PHACTR1: variants seen among roughly 807,000 people sequenced by gnomAD.
The protein encoded by PHACTR1 is phosphatase and actin regulator 1.
In PHACTR1, 16 loss-of-function variants were observed where a neutral mutation model predicts 69.2. The observed-to-expected ratio is 0.23, with a 90% CI of 0.16 to 0.35. The LOEUF (loss-of-function observed/expected upper bound fraction) is 0.35, where lower values mean the gene tolerates loss of function less well. Among genes scored for constraint, PHACTR1 ranks in the 10% least tolerant of loss-of-function variants. The pLI, the probability that PHACTR1 is intolerant of heterozygous loss-of-function variation, is 1.00. For missense variants in PHACTR1, 510 were observed against 734.7 expected (o/e 0.69, Z 3.54); for synonymous variants, 312 against 284.5 (o/e 1.10, Z -0.97).
chr6:13,026,286 A>C (rs372368755), intron 4 of PHACTR1, among the ~76,000 whole-genome samples: 1 of 152,194 alleles, frequency 6.6e-6, no homozygotes, highest in African/African-American at 2.4e-5. Context: ...AGGAAAACAG[A>C]GCGCCCCTGG....
chr6:12,783,940 A>G (rs1030687035), intron 4 of PHACTR1, among the ~76,000 whole-genome samples: 3 of 152,192 alleles, frequency 2.0e-5, no homozygotes, highest in African/African-American at 7.2e-5. Flanking sequence ...TGGTAGACAC[A>G]TGCACTCACA....
At chr6:13,035,368 A>G (rs1803151993) in intron 4 of PHACTR1, among the ~76,000 whole-genome samples, 1 of 151,930 alleles carries the variant, frequency 6.6e-6, no homozygotes, top group African/African-American at 2.4e-5. Flanking sequence ...CCCCCCTCCC[A>G]TTTTTTAGGT....
intron 4 of PHACTR1, among the ~76,000 whole-genome samples, chr6:12,791,883 A>G (rs923102025): frequency 2.0e-5 from 3 of 152,220 alleles, no homozygotes; most frequent in Non-Finnish European, 4.4e-5. Flanking sequence ...TGGGGAAAGC[A>G]GACGGTAAAT....
intron 5 of PHACTR1, among the ~76,000 whole-genome samples, chr6:13,126,682 G>T (rs766114497): frequency 1.3e-5 from 2 of 152,112 alleles, no homozygotes; most frequent in African/African-American, 4.8e-5. Context: ...TTTAAATATC[G>T]CACCACCTTA....
chr6:13,227,238 A>C (rs1203577486), intron 8 of PHACTR1, among the ~76,000 whole-genome samples: 1 of 152,112 alleles, frequency 6.6e-6, no homozygotes, highest in East Asian at 1.9e-4. Flanking sequence ...CCTTGTGTCC[A>C]TCCCGCTCTT....
intron 7 of PHACTR1, among the ~76,000 whole-genome samples, chr6:13,197,008 A>G (rs1167043772): frequency 1.3e-5 from 2 of 152,116 alleles, no homozygotes; most frequent in Admixed American, 1.3e-4. Context: ...GGATAGGTGG[A>G]TTTTCAGAAG....
chr6:12,748,221 T>C (rs1309564214), intron 3 of PHACTR1, among the ~76,000 whole-genome samples: 1 of 152,084 alleles, frequency 6.6e-6, no homozygotes, highest in Non-Finnish European at 1.5e-5. Flanking sequence ...GGCAGGTATA[T>C]TTTTCCTAAA....
At chr6:13,202,464 C>G (rs1765362733) in intron 7 of PHACTR1, among the ~76,000 whole-genome samples, 1 of 149,572 alleles carries the variant, frequency 6.7e-6, no homozygotes, top group Admixed American at 6.7e-5. Flanking sequence ...ACTGCATTTG[C>G]TAGGTTTGCA....
At chr6:13,065,634 G>T (rs1808508892) in intron 5 of PHACTR1, among the ~76,000 whole-genome samples, 1 of 152,124 alleles carries the variant, frequency 6.6e-6, no homozygotes, top group African/African-American at 2.4e-5. Context: ...AACAAAAGGG[G>T]ATGTGAGCTT....
chr6:13,209,071 A>G (rs567737226), intron 8 of PHACTR1, among the ~76,000 whole-genome samples: 2 of 152,270 alleles, frequency 1.3e-5, no homozygotes, highest in African/African-American at 4.8e-5. Context: ...CAAGATTGCC[A>G]CCCCAGAGAA....
At chr6:13,233,820 A>C (rs1771591078) in intron 10 of PHACTR1, among the ~76,000 whole-genome samples, 1 of 152,192 alleles carries the variant, frequency 6.6e-6, no homozygotes, top group African/African-American at 2.4e-5. Context: ...AAGGCAGCAT[A>C]TTCAAGCCAT....
intron 4 of PHACTR1, among the ~76,000 whole-genome samples, chr6:12,831,912 GAA>G (rs1777621747): frequency 1.3e-5 from 2 of 152,054 alleles, no homozygotes; most frequent in Admixed American, 6.6e-5. Context: ...TGTGTGATCT[GAA>G]CACCCTCCTC....
chr6:12,784,317 C>T (rs1377501983), intron 4 of PHACTR1, among the ~76,000 whole-genome samples: 2 of 150,050 alleles, frequency 1.3e-5, no homozygotes, highest in Non-Finnish European at 3.0e-5. Flanking sequence ...TATATCTATA[C>T]ACACATATAC....
intron 4 of PHACTR1, among the ~76,000 whole-genome samples, chr6:12,961,896 G>A (rs1446083334): frequency 6.6e-6 from 1 of 152,092 alleles, no homozygotes; most frequent in Non-Finnish European, 1.5e-5. Context: ...GTCTGTGGGT[G>A]TCTGTGCCTT....
intron 4 of PHACTR1, among the ~76,000 whole-genome samples, chr6:12,876,512 T>C (rs919632512): frequency 1.3e-5 from 2 of 152,212 alleles, no homozygotes; most frequent in Admixed American, 1.3e-4. Context: ...TTCAGCTTAC[T>C]CCTGCCTTTG....
chr6:12,952,811 C>A (rs971665302), intron 4 of PHACTR1, among the ~76,000 whole-genome samples: 1 of 152,104 alleles, frequency 6.6e-6, no homozygotes, highest in Non-Finnish European at 1.5e-5. Flanking sequence ...GTGTCTGTAC[C>A]ATTTTGAGTC....
intron 4 of PHACTR1, among the ~76,000 whole-genome samples, chr6:12,765,558 A>G (rs1186225692): frequency 6.6e-6 from 1 of 152,148 alleles, no homozygotes; most frequent in African/African-American, 2.4e-5. Flanking sequence ...ACATCTTCAT[A>G]TATCTGGTCC....
rs1581388626 is a variant in PHACTR1 at position 12,717,715 on chromosome 6, CAGAT to C, written c.-72_-69del. 1.3e-5 allele frequency: 2 copies of C among 152,186 alleles called. No individual in the cohort carries two copies. Among genetic ancestry groups the C allele is most frequent in the Non-Finnish European group, 2.9e-5 (2 of 68,038 alleles). 9.4% of individuals were successfully genotyped at this position (152,186 alleles called of 1,614,324 possible). A position where few individuals can be genotyped will look rare whatever the true frequency, so the allele number is the denominator to read the frequency against. Reference sequence around the variant, plus strand: ...GGAACGGCTCTTGTTTTACCGCTGACAGATAGCCTTTGATTTTTATTTTTTGCAG... The same window carrying C: ...GGAACGGCTCTTGTTTTACCGCTGACAGCCTTTGATTTTTATTTTTTGCAG... On this transcript the variant is annotated 5_prime_UTR_variant, in exon 2 of 15. Transcript: ENST00000332995.
At chr6:13,286,124 G>A in intron 13 of PHACTR1, 22 bp from the exon 14 acceptor site, 1 of 1,583,808 alleles carries the variant, frequency 6.3e-7, no homozygotes. Context: ...ATTGCACATT[G>A]ATGGGCTTCT....
Sources: gnomAD v4.1 joint callset for allele counts (sites outside exome capture counted in the v4.1 genomes callset) on GRCh38, gnomAD v4.1.1 for gene constraint, MANE v1.5 for transcripts, NCBI Gene and HGNC (gene_info 2026-07-23, HGNC 2026-07-21) for gene names.